CDC14A: variants seen among roughly 807,000 people sequenced by gnomAD.
CDC14A encodes the protein dual specificity protein phosphatase CDC14A.
Under a neutral mutation model 74.4 loss-of-function variants are expected in CDC14A, and 53 were observed. The observed-to-expected ratio is 0.71, with a 90% confidence interval of 0.57 to 0.89. CDC14A has a LOEUF of 0.89. CDC14A is among the 40% of genes least tolerant of loss of function. CDC14A has a pLI of 0.00. For synonymous variants in CDC14A, 247 were observed against 258.4 expected, an observed-to-expected ratio of 0.96 and a Z score of 0.43; for missense variants, 646 against 713.7, an observed-to-expected ratio of 0.91 and a Z score of 1.08.
At chr1:100,430,355 T>C (rs1663509933) in intron 5 of CDC14A, among the ~76,000 whole-genome samples, 1 of 152,232 alleles carries the variant, frequency 6.6e-6, no homozygotes, top group South Asian at 2.1e-4. Context: ...AATCCTTTTA[T>C]GACATCTGTC....
At chr1:100,354,453 C>T (rs1651594772) in intron 2 of CDC14A, among the ~76,000 whole-genome samples, 1 of 152,170 alleles carries the variant, frequency 6.6e-6, no homozygotes, top group African/African-American at 2.4e-5. Flanking sequence ...AATGATATAG[C>T]AGTGCTGATT....
At chr1:100,479,259 CTTTTAAAAAAAGTTA>C (rs1468013819) in intron 10 of CDC14A, among the ~76,000 whole-genome samples, 1 of 152,120 alleles carries the variant, frequency 6.6e-6, no homozygotes, top group African/African-American at 2.4e-5. Context: ...CTATCATTTC[CTTTTAAAAAAAGTTA>C]ATTCTTTTTT....
chr1:100,484,731 A>G, intron 11 of CDC14A: 3 of 1,028,028 alleles, frequency 2.9e-6, no homozygotes, highest in Non-Finnish European at 3.5e-6. Flanking sequence ...TTTCTATTTG[A>G]AAATTAAAAT....
intron 11 of CDC14A, among the ~76,000 whole-genome samples, chr1:100,493,966 C>G (rs976992996): frequency 6.6e-6 from 1 of 152,096 alleles, no homozygotes; most frequent in Non-Finnish European, 1.5e-5. Flanking sequence ...TTTAGCAAAT[C>G]CAAGCACTTT....
At chr1:100,425,826 T>C (rs1017328880) in intron 5 of CDC14A, among the ~76,000 whole-genome samples, 3 of 152,152 alleles carry the variant, frequency 2.0e-5, no homozygotes, top group African/African-American at 7.2e-5. Context: ...CAGAAAGGGG[T>C]AATAATGCTG....
chr1:100,394,103 TTTCC>T (rs1386901598), intron 4 of CDC14A: 4 of 189,680 alleles, frequency 2.1e-5, no homozygotes, highest in South Asian at 7.7e-5. Flanking sequence ...CTCTCTCTTC[TTTCC>T]TTACTTATTT....
chr1:100,484,626 T>TA, intron 11 of CDC14A, 175 bp downstream of exon 11: 1 of 1,193,084 alleles, frequency 8.4e-7, no homozygotes, highest in East Asian at 3.5e-5. Context: ...CCAATTGCCC[T>TA]TAAAAAAAAA....
In CDC14A at chr1:100,424,281, C is replaced by G. The variant is rs1390036991; in HGVS notation, c.369C>G (p.Asn123Lys). Residue 123 changes from asparagine (N) to lysine (K), a missense_variant, in exon 5 of 16, where the codon AAC (asparagine) becomes AAG (lysine). Transcript: ENST00000336454. ...ACAGAGCACTCCTGTCTGGCTCAAA[C>G]CCCCCCTATCTTCCATTCAGGTATA... ...EAYRALLSGSNPPYLPFRDAS... is the reference protein window; with the variant it reads ...EAYRALLSGSKPPYLPFRDAS... 2 of 1,608,700 alleles carry G rather than the reference C, an allele frequency of 1.2e-6. No homozygotes were observed. The highest frequency in any genetic ancestry group is 1.7e-5 in the Admixed American group (1 of 59,966).
intron 15 of CDC14A, among the ~76,000 whole-genome samples, chr1:100,510,018 A>G (rs1355188404): frequency 6.6e-6 from 1 of 152,186 alleles, no homozygotes; most frequent in African/African-American, 2.4e-5. Context: ...TAAGAGGGGA[A>G]AGGCTGTGTT....
chr1:100,359,015 T>A (rs1469163740), intron 2 of CDC14A, among the ~76,000 whole-genome samples: 2 of 152,224 alleles, frequency 1.3e-5, no homozygotes, highest in Non-Finnish European at 2.9e-5. Context: ...CACATATATA[T>A]GATCTGATAG....
Position 100,494,828 on chromosome 1 carries a change from A to G in CDC14A, c.1148A>G (p.Glu383Gly). The stretch of plus-strand genomic sequence containing the variant: ...TGTATTTTTTTCCAGGATAACTTAG[A>G]AGATGATGATGTGGAAATGAAAAAT... ...NMERFGEDNLEDDDVEMKNGI... is the reference protein window; with the variant it reads ...NMERFGEDNLGDDDVEMKNGI... Residue 383 changes from glutamate (E) to glycine (G), a missense_variant, in exon 12 of 16, where the codon GAA becomes GGA. By Grantham distance (98) the Glu-to-Gly change is moderately conservative (BLOSUM62 -2). Coordinates refer to ENST00000336454, the MANE Select transcript of CDC14A (RefSeq NM_003672.4). 6.2e-7 allele frequency: 1 copy of G among 1,606,758 alleles called. No individual in the cohort carries two copies. The highest frequency in any genetic ancestry group is 1.1e-5 in the South Asian group (1 of 90,562).
chr1:100,456,931 C>T (rs184002652), intron 8 of CDC14A, among the ~76,000 whole-genome samples: 113 of 152,292 alleles, frequency 7.4e-4, no homozygotes, highest in Non-Finnish European at 1.3e-3. Flanking sequence ...TTGGTCTGGA[C>T]ATTCAATAAT....
At chr1:100,492,477 T>A (rs959655054) in intron 11 of CDC14A, among the ~76,000 whole-genome samples, 1 of 152,240 alleles carries the variant, frequency 6.6e-6, no homozygotes, top group South Asian at 2.1e-4. Context: ...TATTGCCTCC[T>A]GGTTGTTGTA....
intron 3 of CDC14A, among the ~76,000 whole-genome samples, chr1:100,382,987 C>A (rs1221134976): frequency 1.3e-5 from 2 of 152,166 alleles, no homozygotes; most frequent in East Asian, 3.9e-4. Flanking sequence ...ACTAGACCAC[C>A]CTATTATAAC....
chr1:100,467,588 C>T (rs1667970517), intron 9 of CDC14A, among the ~76,000 whole-genome samples: 2 of 152,048 alleles, frequency 1.3e-5, no homozygotes, highest in African/African-American at 4.8e-5. Flanking sequence ...GTTGCAGTTG[C>T]TCACCCTCAT....
chr1:100,419,928 A>G (rs1662051913), intron 4 of CDC14A, among the ~76,000 whole-genome samples: 1 of 149,592 alleles, frequency 6.7e-6, no homozygotes, highest in South Asian at 2.1e-4. Flanking sequence ...TGAATCCTCA[A>G]GAGTATTTTC....
intron 5 of CDC14A, among the ~76,000 whole-genome samples, chr1:100,439,314 C>T (rs778117654): frequency 6.6e-6 from 1 of 151,972 alleles, no homozygotes; most frequent in African/African-American, 2.4e-5. Context: ...GCATTTAATC[C>T]ATGAAAACAC....
chr1:100,406,809 C>G (rs527585230), intron 4 of CDC14A, among the ~76,000 whole-genome samples: 1 of 152,060 alleles, frequency 6.6e-6, no homozygotes, highest in South Asian at 2.1e-4. Flanking sequence ...GCCTGTAATC[C>G]TAGCTTCTCA....
chr1:100,494,949 C>A lies in CDC14A; in HGVS notation c.1250+19C>A. ...CATTTAGGTAGATCTGTTTTAAACA[C>A]TTCAATTTATAGTGTGCTTCCCTTT... On this transcript the variant is annotated intron_variant, in intron 12 of 15. Coordinates refer to ENST00000336454, the MANE Select transcript of CDC14A (RefSeq NM_003672.4). 2 of 1,276,202 alleles carry A rather than the reference C, an allele frequency of 1.6e-6. No individual in the cohort carries two copies. The highest frequency in any genetic ancestry group is 2.3e-6 in the Non-Finnish European group (2 of 877,206). 79.1% of individuals were successfully genotyped at this position (1,276,202 alleles called of 1,614,324 possible).
Sources: gnomAD v4.1 joint callset for allele counts (sites outside exome capture counted in the v4.1 genomes callset) on GRCh38, gnomAD v4.1.1 for gene constraint, MANE v1.5 for transcripts, NCBI Gene and HGNC (gene_info 2026-07-23, HGNC 2026-07-21) for gene names.